RBMS3: variants seen among roughly 807,000 people sequenced by gnomAD.
The protein encoded by RBMS3 is RNA binding motif single stranded interacting protein 3, also known as RNA-binding motif, single-stranded-interacting protein 3.
Under a neutral mutation model 66.8 loss-of-function variants are expected in RBMS3, and 27 were observed. The observed-to-expected ratio is 0.40, with a 90% CI of 0.30 to 0.56. The LOEUF (loss-of-function observed/expected upper bound fraction) is 0.56, where lower values mean the gene tolerates loss of function less well. RBMS3 is among the 20% of genes least tolerant of loss of function. The pLI is 0.40. For synonymous variants in RBMS3, 188 were observed against 183.0 expected (o/e 1.03, Z -0.22); for missense variants, 513 against 549.5 (o/e 0.93, Z 0.66).
At chr3:29,394,963 C>G (rs9844602) in intron 1 of RBMS3, among the ~76,000 whole-genome samples, 41 of 152,084 alleles carry the variant, frequency 2.7e-4, no homozygotes, top group African/African-American at 9.6e-4. Flanking sequence ...AAAGTTCAAT[C>G]GAGTCTGCTC....
At chr3:29,350,387 T>C (rs2036839560) in intron 1 of RBMS3, among the ~76,000 whole-genome samples, 1 of 152,204 alleles carries the variant, frequency 6.6e-6, no homozygotes, top group South Asian at 2.1e-4. Context: ...GTAAAATTTG[T>C]CTAGACAGGG....
chr3:29,544,505 A>G (rs1334402041), intron 3 of RBMS3, among the ~76,000 whole-genome samples: 1 of 152,052 alleles, frequency 6.6e-6, no homozygotes, highest in Non-Finnish European at 1.5e-5. Context: ...CAAACACTTG[A>G]CTTTATTGTG....
chr3:29,582,389 C>T (rs2047363047), intron 3 of RBMS3, among the ~76,000 whole-genome samples: 2 of 152,204 alleles, frequency 1.3e-5, no homozygotes, highest in African/African-American at 2.4e-5. Flanking sequence ...TGCTCTACTT[C>T]CCGCTAATTG....
At chr3:29,915,020 T>C (rs2060604353) in intron 10 of RBMS3, among the ~76,000 whole-genome samples, 1 of 151,890 alleles carries the variant, frequency 6.6e-6, no homozygotes, top group Non-Finnish European at 1.5e-5. Context: ...AAGAAAAATT[T>C]AAAAGTCCAC....
At chr3:29,623,559 A>T (rs563905188) in intron 4 of RBMS3, among the ~76,000 whole-genome samples, 3 of 148,830 alleles carry the variant, frequency 2.0e-5, no homozygotes, top group Non-Finnish European at 4.4e-5. Context: ...ACACCACTGC[A>T]CTCCAGCCTA....
rs755677605 is a variant in RBMS3, at chr3:29,281,776, C to T, written c.75+20C>T. On this transcript the variant is annotated intron_variant, in intron 1 of 14. Transcript: ENST00000383767. ...ACCAAGGTATGGCTTGACCCACGGT[C>T]TGGCGATCAGCGTGGTATCGTTCTG... is the stretch of plus-strand genomic sequence containing the variant. 2.9e-5 allele frequency: 46 copies of T among 1,595,000 alleles called. No homozygotes were observed. Among genetic ancestry groups the T allele is most frequent in the Non-Finnish European group, 4.0e-5 (46 of 1,163,790 alleles).
chr3:29,703,416 C>T (rs185439730), intron 4 of RBMS3, among the ~76,000 whole-genome samples: 238 of 152,244 alleles, frequency 1.6e-3, no homozygotes, highest in African/African-American at 5.3e-3. Context: ...TTGAAGAGAT[C>T]GGTTGCCAGA....
chr3:29,373,748 G>A (rs912324286), intron 1 of RBMS3, among the ~76,000 whole-genome samples: 1 of 152,212 alleles, frequency 6.6e-6, no homozygotes, highest in Non-Finnish European at 1.5e-5. Flanking sequence ...GCTGGTTTCT[G>A]AGTGCCTGTT....
intron 12 of RBMS3, among the ~76,000 whole-genome samples, chr3:29,970,877 T>G (rs1697184928): frequency 6.6e-6 from 1 of 152,222 alleles, no homozygotes. Context: ...AACTTGAATA[T>G]AAAGCTACAT....
At chr3:29,836,743 T>C (rs1476033108) in intron 6 of RBMS3, among the ~76,000 whole-genome samples, 1 of 151,720 alleles carries the variant, frequency 6.6e-6, no homozygotes, top group Non-Finnish European at 1.5e-5. Flanking sequence ...ATGTGAGAGA[T>C]ATGCATGTTA....
At chr3:29,724,230 G>A (rs1171850199) in intron 4 of RBMS3, among the ~76,000 whole-genome samples, 5 of 151,942 alleles carry the variant, frequency 3.3e-5, no homozygotes, top group Non-Finnish European at 5.9e-5. Context: ...CACTTATGAG[G>A]AACACAATGG....
At chr3:29,542,770 T>G (rs533744936) in intron 3 of RBMS3, among the ~76,000 whole-genome samples, 4 of 152,328 alleles carry the variant, frequency 2.6e-5, no homozygotes, top group Admixed American at 6.5e-5. Flanking sequence ...AGTTGTAAAG[T>G]TTAAATAATT....
chr3:29,990,194 G>GAAAAGATTGACTAGAGAGACTTTTCA lies in RBMS3; in HGVS notation c.1180-878_1180-877insCTAGAGAGACTTTTCAAAAAGATTGA, dbSNP rs1698738670. Among the ~76,000 whole-genome samples, 13 of 146,196 alleles carry GAAAAGATTGACTAGAGAGACTTTTCA rather than the reference G, an allele frequency of 8.9e-5. No individual in the cohort carries two copies. The Admixed American group carries it at 9.0e-4, about 10-fold the overall frequency. On this transcript the variant is annotated intron_variant, in intron 13 of 14. Coordinates refer to ENST00000383767, the MANE Select transcript of RBMS3 (RefSeq NM_001003793.3). ...TAATACCAAATAGTAAATTAGGAAA[G>GAAAAGATTGACTAGAGAGACTTTTCA]AAAAGATTGAATAGAGAGACTTTTC... is the stretch of plus-strand genomic sequence containing the variant.
At chr3:29,490,292 T>C (rs1161497584) in intron 3 of RBMS3, among the ~76,000 whole-genome samples, 1 of 151,252 alleles carries the variant, frequency 6.6e-6, no homozygotes, top group African/African-American at 2.4e-5. Context: ...CAAAAAAAAA[T>C]GTAGGCTTTA....
intron 10 of RBMS3, chr3:29,925,391 C>A (rs138023621): frequency 1.6e-4 from 25 of 152,078 alleles, no homozygotes; most frequent in African/African-American, 5.8e-4. Context: ...ATGGAGGTTT[C>A]AGTGTGAAGG....
In RBMS3 at chr3:29,434,602, A is replaced by G. The variant is rs560481790; in HGVS notation, c.76-141A>G. On this transcript the variant is annotated intron_variant, in intron 1 of 14. Coordinates refer to ENST00000383767, the MANE Select transcript of RBMS3 (RefSeq NM_001003793.3). ...GACGATATTCTTGAATGCAACAGAG[A>G]GTAGTGATATAAATGTGTGTGTGTA... The G allele has an allele frequency of 4.9e-5, 57 of 1,172,072 alleles. No individual in the cohort carries two copies. The South Asian group carries it at 9.1e-4, about 19-fold the overall frequency. The allele number at this position is 1,172,072 out of a possible 1,614,324, so 72.6% of individuals were successfully genotyped here.
intron 5 of RBMS3, among the ~76,000 whole-genome samples, chr3:29,760,036 C>T (rs969839407): frequency 1.2e-4 from 18 of 152,064 alleles, no homozygotes; most frequent in Admixed American, 7.9e-4. Flanking sequence ...AGTGAACAAT[C>T]TACTCTGCTG....
At chr3:29,532,711 G>A (rs763442321) in intron 3 of RBMS3, among the ~76,000 whole-genome samples, 4 of 152,072 alleles carry the variant, frequency 2.6e-5, no homozygotes, top group Non-Finnish European at 5.9e-5. Context: ...TGCGGACAAC[G>A]TAGCCAGATC....
chr3:29,801,006 C>A (rs1479093282), intron 6 of RBMS3, among the ~76,000 whole-genome samples: 1 of 42,016 alleles, frequency 2.4e-5, no homozygotes, highest in East Asian at 3.1e-4. Context: ...CACACGCATG[C>A]ACACACACAC....
Sources: gnomAD v4.1 joint callset for allele counts (sites outside exome capture counted in the v4.1 genomes callset) on GRCh38, gnomAD v4.1.1 for gene constraint, MANE v1.5 for transcripts, NCBI Gene and HGNC (gene_info 2026-07-23, HGNC 2026-07-21) for gene names.